The following UNC5D variants were observed in gnomAD, a reference collection of about 807,000 sequenced individuals.
UNC5D encodes the protein netrin receptor UNC5D.
A neutral mutation model predicts 105.4 loss-of-function variants in UNC5D; 39 were observed. The observed-to-expected ratio is 0.37, with a 90% confidence interval of 0.29 to 0.48. UNC5D has a LOEUF of 0.48. Among genes scored for constraint, UNC5D ranks in the 20% least tolerant of loss-of-function variants. UNC5D has a pLI of 0.98. For missense variants in UNC5D, 991 were observed against 1,202.4 expected, an observed-to-expected ratio of 0.82 and a Z score of 2.60; for synonymous variants, 452 against 450.4, an observed-to-expected ratio of 1.00 and a Z score of -0.04.
intron 4 of UNC5D, among the ~76,000 whole-genome samples, chr8:35,674,061 A>C (rs1056476163): frequency 6.6e-6 from 1 of 152,216 alleles, no homozygotes; most frequent in Non-Finnish European, 1.5e-5. Context: ...AACATTTGAC[A>C]GTAATGATAT....
chr8:35,431,555 A>G (rs1181035320), intron 1 of UNC5D, among the ~76,000 whole-genome samples: 1 of 152,172 alleles, frequency 6.6e-6, no homozygotes, highest in African/African-American at 2.4e-5. Context: ...GTTATATTCC[A>G]TCTGGCTTTT....
At chr8:35,351,226 TC>T (rs1217202911) in intron 1 of UNC5D, among the ~76,000 whole-genome samples, 2 of 151,964 alleles carry the variant, frequency 1.3e-5, no homozygotes, top group Non-Finnish European at 2.9e-5. Context: ...CACTTTTTTT[TC>T]CCCCAAAATA....
At chr8:35,675,481 C>T (rs139819512) in intron 4 of UNC5D, among the ~76,000 whole-genome samples, 1 of 152,210 alleles carries the variant, frequency 6.6e-6, no homozygotes, top group Non-Finnish European at 1.5e-5. Context: ...TGAATTGAGA[C>T]ACTTTAGAAA....
intron 1 of UNC5D, among the ~76,000 whole-genome samples, chr8:35,489,275 T>C (rs1811040605): frequency 6.6e-6 from 1 of 152,092 alleles, no homozygotes; most frequent in African/African-American, 2.4e-5. Context: ...CCCAAAGTGC[T>C]AGGATTACAA....
intron 1 of UNC5D, among the ~76,000 whole-genome samples, chr8:35,252,672 TTGG>T: frequency 6.6e-6 from 1 of 152,156 alleles, no homozygotes; most frequent in Non-Finnish European, 1.5e-5. Context: ...TCAGTAAAAT[TTGG>T]GTGATTATCA....
intron 16 of UNC5D, among the ~76,000 whole-genome samples, chr8:35,784,294 G>T (rs1327866005): frequency 6.6e-6 from 1 of 152,068 alleles, no homozygotes; most frequent in Non-Finnish European, 1.5e-5. Context: ...AATGTATTCG[G>T]CTGTCTTCTC....
chr8:35,750,475 T>G (rs1388512385), intron 12 of UNC5D, 107 bp from the exon 13 acceptor site: 2 of 1,220,196 alleles, frequency 1.6e-6, no homozygotes, highest in African/African-American at 3.2e-5. Context: ...AGGACTATTC[T>G]GAAAACAAAT....
chr8:35,629,818 T>A (rs533741861), intron 4 of UNC5D, among the ~76,000 whole-genome samples: 1 of 152,336 alleles, frequency 6.6e-6, no homozygotes, highest in East Asian at 1.9e-4. Context: ...TGTCTGTTTT[T>A]TACAATCTTA....
intron 11 of UNC5D, among the ~76,000 whole-genome samples, chr8:35,741,525 TATAAC>T (rs879427242): frequency 1.1e-4 from 17 of 152,164 alleles, no homozygotes; most frequent in Non-Finnish European, 2.2e-4. Context: ...CATGATGAGT[TATAAC>T]ATTATTTCCA....
intron 1 of UNC5D, among the ~76,000 whole-genome samples, chr8:35,501,691 A>T (rs1767706681): frequency 6.6e-6 from 1 of 152,262 alleles, no homozygotes; most frequent in Non-Finnish European, 1.5e-5. Flanking sequence ...CAGAATTGAT[A>T]TAAAGGATTT....
chr8:35,474,486 A>C (rs1045449267), intron 1 of UNC5D, among the ~76,000 whole-genome samples: 3 of 152,198 alleles, frequency 2.0e-5, no homozygotes, highest in African/African-American at 2.4e-5. Context: ...TGTATATGAT[A>C]TACATATAAT....
chr8:35,335,403 ATAATGCC>A (rs1443600595), intron 1 of UNC5D, among the ~76,000 whole-genome samples: 12 of 152,312 alleles, frequency 7.9e-5, no homozygotes, highest in African/African-American at 2.2e-4. Flanking sequence ...AACCTCTTAG[ATAATGCC>A]TAAAAGCACA....
chr8:35,378,063 G>C lies in UNC5D; in HGVS notation c.103+142176G>C, dbSNP rs1802802269. Among the ~76,000 whole-genome samples, 4 of 152,088 alleles carry C rather than the reference G, an allele frequency of 2.6e-5. No individual in the cohort carries two copies. In the South Asian group the frequency reaches 8.3e-4, roughly 32 times the overall value. On this transcript the variant is annotated intron_variant, in intron 1 of 16. Coordinates refer to ENST00000404895, the MANE Select transcript of UNC5D (RefSeq NM_080872.4). The stretch of plus-strand genomic sequence containing the variant: ...AAATCACTCTGGCTGCTGCTATCTG[G>C]TCACTCACATGCCGTCACTCTATGC...
chr8:35,378,485 G>A lies in UNC5D; in HGVS notation c.103+142598G>A, dbSNP rs568307894. 5.9e-5 allele frequency among the ~76,000 whole-genome samples: 9 copies of A among 152,234 alleles called. No homozygotes were observed. The East Asian group carries it at 1.7e-3, about 30-fold the overall frequency. ...TGCAAGCCTAGGTTGATGTCAAGAG[G>A]CTCACCCCCTTCAGTTTGCCCCATA... is the stretch of plus-strand genomic sequence containing the variant. On this transcript the variant is annotated intron_variant, in intron 1 of 16. Transcript: ENST00000404895.
At chr8:35,514,583 G>GTT (rs1812992516) in intron 1 of UNC5D, among the ~76,000 whole-genome samples, 1 of 152,184 alleles carries the variant, frequency 6.6e-6, no homozygotes, top group African/African-American at 2.4e-5. Context: ...CCTGACCCAA[G>GTT]AGATGCTACT....
intron 1 of UNC5D, among the ~76,000 whole-genome samples, chr8:35,444,589 A>G (rs955954470): frequency 6.6e-6 from 1 of 151,998 alleles, no homozygotes; most frequent in Non-Finnish European, 1.5e-5. Context: ...CTGAAATCAA[A>G]TTAGAAGAGA....
chr8:35,399,569 G>A (rs1169218268), intron 1 of UNC5D, among the ~76,000 whole-genome samples: 1 of 151,930 alleles, frequency 6.6e-6, no homozygotes, highest in African/African-American at 2.4e-5. Flanking sequence ...CTACATCTGG[G>A]CATCACAAAT....
rs1418643129 is a variant in UNC5D at position 35,684,766 on chromosome 8, T to C, written c.919+17T>C. The C allele has an allele frequency of 6.3e-7, 1 of 1,591,002 alleles. No homozygotes were observed. Among genetic ancestry groups the C allele is most frequent in the East Asian group, 2.3e-5 (1 of 44,386 alleles). ...TTTGTCCTGGTGAGATATATGCAGA[T>C]TCCCTTTTCCCTTCTGATCCACCAA... On this transcript the variant is annotated intron_variant, in intron 6 of 16. Coordinates refer to ENST00000404895, the MANE Select transcript of UNC5D (RefSeq NM_080872.4).
chr8:35,395,173 T>G (rs980470273), intron 1 of UNC5D, among the ~76,000 whole-genome samples: 1 of 152,220 alleles, frequency 6.6e-6, no homozygotes, highest in Admixed American at 6.5e-5. Context: ...AGAAAGACCT[T>G]TTATTCAAAG....
Sources: gnomAD v4.1 joint callset for allele counts (sites outside exome capture counted in the v4.1 genomes callset) on GRCh38, gnomAD v4.1.1 for gene constraint, MANE v1.5 for transcripts, NCBI Gene and HGNC (gene_info 2026-07-23, HGNC 2026-07-21) for gene names.